The following GPC5 variants were observed in gnomAD, a reference collection of about 807,000 sequenced individuals.
GPC5 encodes the protein glypican 5.
GPC5 carries 47 observed loss-of-function variants against 53.9 expected under a neutral mutation model. The ratio of observed to expected loss-of-function variants is 0.87; its 90% confidence interval spans 0.69 to 1.11. The LOEUF (loss-of-function observed/expected upper bound fraction) is 1.11. Ranked by LOEUF, GPC5 falls within the 50% of genes most tolerant of loss-of-function variation. The pLI is 0.00. For synonymous variants in GPC5, 286 were observed against 263.3 expected (o/e 1.09, Z -0.84); for missense variants, 748 against 713.1 (o/e 1.05, Z -0.56).
intron 7 of GPC5, among the ~76,000 whole-genome samples, chr13:92,838,651 C>G (rs1326538172): frequency 6.6e-6 from 1 of 152,016 alleles, no homozygotes; most frequent in Non-Finnish European, 1.5e-5. Flanking sequence ...CACAGATGAT[C>G]TTTACAACAA....
chr13:91,596,799 C>G (rs940090329), intron 2 of GPC5, among the ~76,000 whole-genome samples: 5 of 152,156 alleles, frequency 3.3e-5, no homozygotes, highest in African/African-American at 9.7e-5. Context: ...GGGACAGTCA[C>G]TATCTGTCAC....
intron 7 of GPC5, among the ~76,000 whole-genome samples, chr13:92,375,085 G>A (rs2043683351): frequency 2.0e-5 from 3 of 152,100 alleles, no homozygotes; most frequent in Admixed American, 2.0e-4. Context: ...AAATCCCAAA[G>A]CATGGGTATT....
At chr13:92,103,409 A>G (rs1181160946) in intron 6 of GPC5, among the ~76,000 whole-genome samples, 1 of 152,178 alleles carries the variant, frequency 6.6e-6, no homozygotes, top group Non-Finnish European at 1.5e-5. Flanking sequence ...AGAAGCATAT[A>G]TACATGGTAT....
chr13:92,758,328 G>C (rs1425964004), intron 7 of GPC5, among the ~76,000 whole-genome samples: 1 of 134,032 alleles, frequency 7.5e-6, no homozygotes, highest in African/African-American at 2.8e-5. Context: ...TCTGGGGACT[G>C]TTGTGGGGTG....
At chr13:92,091,550 T>C (rs1423503662) in intron 6 of GPC5, among the ~76,000 whole-genome samples, 1 of 152,144 alleles carries the variant, frequency 6.6e-6, no homozygotes, top group African/African-American at 2.4e-5. Context: ...TATGCTATAA[T>C]ATACCAGTCC....
At chr13:91,454,684 A>G (rs901693632) in intron 2 of GPC5, among the ~76,000 whole-genome samples, 5 of 152,128 alleles carry the variant, frequency 3.3e-5, no homozygotes, top group Non-Finnish European at 5.9e-5. Context: ...TGTGAAATAA[A>G]ACAAGAGATT....
chr13:92,313,684 C>A (rs775809200), intron 7 of GPC5, among the ~76,000 whole-genome samples: 3 of 152,154 alleles, frequency 2.0e-5, no homozygotes, highest in African/African-American at 7.2e-5. Flanking sequence ...AGCCTCCCAA[C>A]CAAAATCCCT....
At chr13:92,647,140 C>T (rs953932897) in intron 7 of GPC5, among the ~76,000 whole-genome samples, 1 of 151,936 alleles carries the variant, frequency 6.6e-6, no homozygotes, top group Non-Finnish European at 1.5e-5. Context: ...TTCACTAAGA[C>T]CTCAGCCTAA....
At chr13:91,886,112 G>A (rs1257848041) in intron 5 of GPC5, among the ~76,000 whole-genome samples, 1 of 152,148 alleles carries the variant, frequency 6.6e-6, no homozygotes, top group East Asian at 1.9e-4. Flanking sequence ...AAGAAAAAAA[G>A]GTTTAATGGA....
At chr13:92,773,652 T>A (rs1314674115) in intron 7 of GPC5, among the ~76,000 whole-genome samples, 2 of 152,200 alleles carry the variant, frequency 1.3e-5, no homozygotes, top group African/African-American at 4.8e-5. Flanking sequence ...CTAATTGTCT[T>A]AGGAAAATTG....
At chr13:91,720,443 A>C (rs770876634) in intron 3 of GPC5, among the ~76,000 whole-genome samples, 32 of 152,072 alleles carry the variant, frequency 2.1e-4, no homozygotes, top group Non-Finnish European at 3.7e-4. Flanking sequence ...GTTTGAGATA[A>C]CTCACTCTTC....
chr13:91,681,792 G>C (rs1271327150), intron 2 of GPC5, among the ~76,000 whole-genome samples: 2 of 152,136 alleles, frequency 1.3e-5, no homozygotes, highest in Middle Eastern at 3.4e-3. Context: ...GCAACACATA[G>C]CTTTCTCTTT....
At chr13:92,310,713 T>A (rs1364698417) in intron 7 of GPC5, among the ~76,000 whole-genome samples, 4 of 152,188 alleles carry the variant, frequency 2.6e-5, no homozygotes, top group African/African-American at 4.8e-5. Flanking sequence ...TTAAAACTTT[T>A]AAGATCCTAT....
At chr13:92,166,184 T>C (rs7490491) in intron 7 of GPC5, among the ~76,000 whole-genome samples, 5 of 152,192 alleles carry the variant, frequency 3.3e-5, no homozygotes, top group Admixed American at 1.3e-4. Flanking sequence ...ATATGCTTCA[T>C]GTACAGCAAA....
intron 7 of GPC5, among the ~76,000 whole-genome samples, chr13:92,622,960 A>G (rs536366137): frequency 6.6e-6 from 1 of 152,314 alleles, no homozygotes; most frequent in African/African-American, 2.4e-5. Context: ...GAAGAAAGGA[A>G]TGAAATGTTC....
intron 2 of GPC5, among the ~76,000 whole-genome samples, chr13:91,506,137 C>T (rs1356421242): frequency 1.3e-5 from 2 of 151,972 alleles, no homozygotes; most frequent in Non-Finnish European, 2.9e-5. Context: ...AAATAAGTAG[C>T]CTATTTAAGT....
intron 7 of GPC5, among the ~76,000 whole-genome samples, chr13:92,460,411 C>T (rs1878431020): frequency 1.3e-5 from 2 of 152,160 alleles, no homozygotes; most frequent in South Asian, 4.1e-4. Flanking sequence ...TCAGCAACTT[C>T]CTTCCTTTCT....
chr13:92,480,522 T>C (rs1258814431), intron 7 of GPC5, among the ~76,000 whole-genome samples: 1 of 152,168 alleles, frequency 6.6e-6, no homozygotes, highest in Non-Finnish European at 1.5e-5. Flanking sequence ...TCCTGAGTTA[T>C]ACATCTACTA....
intron 1 of GPC5, among the ~76,000 whole-genome samples, chr13:91,421,557 A>G (rs555124004): frequency 1.3e-5 from 2 of 152,334 alleles, no homozygotes; most frequent in South Asian, 4.1e-4. Context: ...GAACACTGCA[A>G]TGGAATATTG....
Sources: allele counts gnomAD v4.1 joint callset (sites outside exome capture counted in the v4.1 genomes callset), GRCh38; gene constraint gnomAD v4.1.1; transcripts MANE v1.5; gene names NCBI Gene and HGNC (gene_info 2026-07-23, HGNC 2026-07-21).